ARID3A: variants seen among roughly 807,000 people sequenced by gnomAD.
ARID3A encodes the protein AT-rich interactive domain-containing protein 3A.
A neutral mutation model predicts 52.7 loss-of-function variants in ARID3A; 11 were observed. That is an observed-to-expected ratio of 0.21 (90% CI 0.13 to 0.35). The LOEUF (loss-of-function observed/expected upper bound fraction) is 0.35, where lower values mean the gene tolerates loss of function less well. Ranked by LOEUF, ARID3A falls within the 10% of genes least tolerant of loss-of-function variation. The probability of loss-of-function intolerance (pLI) is 1.00; values close to 1 mark genes in which losing one functional copy is unlikely to be tolerated. For missense variants in ARID3A, 721 were observed against 838.5 expected (o/e 0.86, Z 1.73); for synonymous variants, 404 against 359.4 (o/e 1.12, Z -1.40).
At chr19:949,327 G>T (rs977117643) in intron 3 of ARID3A, among the ~76,000 whole-genome samples, 3 of 152,060 alleles carry the variant, frequency 2.0e-5, no homozygotes, top group African/African-American at 7.2e-5. Flanking sequence ...AGCCGCAGGT[G>T]CTGAGTCATC....
At chr19:932,288 C>T (rs1160244811) in intron 2 of ARID3A, 130 bp from the exon 3 acceptor site, 1 of 1,509,820 alleles carries the variant, frequency 6.6e-7, no homozygotes, top group African/African-American at 1.4e-5. Flanking sequence ...TCTCTGCAGT[C>T]TGAGCTGGCG....
rs1264973902 is a variant in ARID3A, at chr19:974,478, C to T, written c.*2413C>T. On this transcript the variant is annotated 3_prime_UTR_variant, in exon 9 of 9. Transcript: ENST00000263620. ...GGGCTCCTCTCCCGGGACCCCCGTC[C>T]CACGCCTGGGCCCCGCGCCGGGGGA... The T allele has an allele frequency of 8.7e-6, 2 of 231,110 alleles. No individual in the cohort carries two copies. Among genetic ancestry groups the T allele is most frequent in the African/African-American group, 2.2e-5 (1 of 45,160 alleles). 14.3% of individuals were successfully genotyped at this position (231,110 alleles called of 1,614,324 possible). A position where few individuals can be genotyped will look rare whatever the true frequency, so the allele number is the denominator to read the frequency against.
Position 942,893 on chromosome 19 carries a change from A to G in ARID3A, c.693+10151A>G, listed in dbSNP as rs1164258597. Among the ~76,000 whole-genome samples the G allele has an allele frequency of 6.6e-6, 1 of 152,074 alleles. No individual in the cohort carries two copies. The highest frequency in any genetic ancestry group is 2.4e-5 in the African/African-American group (1 of 41,406). On this transcript the variant is annotated intron_variant, in intron 3 of 8. Coordinates refer to ENST00000263620, the MANE Select transcript of ARID3A (RefSeq NM_005224.3). This position sits in a 1 kb window ranked among gnomAD's most constrained non-coding sequence, Gnocchi z 8.1. ...ACTCACGTCCACCCAGAACCTCAAG[A>G]TGGGACTGCATTTGGAAATAGGGTC...
chr19:932,863 T>A (rs1599383904), intron 3 of ARID3A, 121 bp downstream of exon 3: 1 of 1,480,808 alleles, frequency 6.8e-7, no homozygotes. Flanking sequence ...AGCTGGGGGT[T>A]CCTGCGGTAG....
At chr19:952,549 C>A (rs1335265114) in intron 3 of ARID3A, among the ~76,000 whole-genome samples, 2 of 152,054 alleles carry the variant, frequency 1.3e-5, no homozygotes, top group Non-Finnish European at 2.9e-5. Context: ...GGCCAACCCT[C>A]CTGGAGGCTC....
At position 942,944 on chromosome 19, in the gene ARID3A, T is replaced by A. The variant is rs1360096898; in HGVS notation, c.693+10202T>A. Among the ~76,000 whole-genome samples, 1 of 151,948 alleles carries A rather than the reference T, an allele frequency of 6.6e-6. No homozygotes were observed. Among genetic ancestry groups the A allele is most frequent in the Non-Finnish European group, 1.5e-5 (1 of 67,972 alleles). ...TCTGAAGATGTTAGTTTCAGTGAGGTCCTGCAGCGTACGGTGGCCCCAAAT... is the reference window on the plus strand; with the variant it reads ...TCTGAAGATGTTAGTTTCAGTGAGGACCTGCAGCGTACGGTGGCCCCAAAT... On this transcript the variant is annotated intron_variant, in intron 3 of 8. Coordinates refer to ENST00000263620, the MANE Select transcript of ARID3A (RefSeq NM_005224.3). This position sits in a 1 kb window ranked among gnomAD's most constrained non-coding sequence, Gnocchi z 8.1.
At chr19:953,732 G>A (rs2037854431) in intron 3 of ARID3A, among the ~76,000 whole-genome samples, 1 of 152,142 alleles carries the variant, frequency 6.6e-6, no homozygotes. Flanking sequence ...CAGGCAGAAG[G>A]AACAGCGCCG....
intron 2 of ARID3A, among the ~76,000 whole-genome samples, chr19:931,469 A>C (rs1435959551): frequency 2.0e-5 from 3 of 150,786 alleles, no homozygotes; most frequent in African/African-American, 4.9e-5. Flanking sequence ...AAAAAAAAAC[A>C]ACCAAACAAA....
At chr19:936,054 C>T (rs865976733) in intron 3 of ARID3A, among the ~76,000 whole-genome samples, 22 of 150,568 alleles carry the variant, frequency 1.5e-4, no homozygotes, top group South Asian at 4.2e-4. Flanking sequence ...CCTCCCAAAG[C>T]GCTGGGATTA....
Position 929,306 on chromosome 19 carries a change from C to T in ARID3A, c.-223C>T. ...TGAGCCGGATGCCAGCCTCTGTCCC[C>T]TGGAGCCCAGCGTGAGGAAGAGGCA... On this transcript the variant is annotated 5_prime_UTR_variant, in exon 2 of 9. Coordinates refer to ENST00000263620, the MANE Select transcript of ARID3A (RefSeq NM_005224.3). This position sits in a 1 kb window ranked among gnomAD's most constrained non-coding sequence, Gnocchi z 6.2. The T allele has an allele frequency of 2.1e-6, 1 of 470,790 alleles. No individual in the cohort carries two copies. Among genetic ancestry groups the T allele is most frequent in the Non-Finnish European group, 3.1e-6 (1 of 327,136 alleles). The allele number at this position is 470,790 out of a possible 1,614,324, so 29.2% of individuals were successfully genotyped here. A position where few individuals can be genotyped will look rare whatever the true frequency, so the allele number is the denominator to read the frequency against.
At chr19:963,093 G>A (rs577561433) in intron 4 of ARID3A, among the ~76,000 whole-genome samples, 1 of 152,166 alleles carries the variant, frequency 6.6e-6, no homozygotes, top group Admixed American at 6.5e-5. Flanking sequence ...GTCAGACACC[G>A]GGGGTTCCGG....
At chr19:928,733 T>G (rs903153869) in intron 1 of ARID3A, 2 of 152,380 alleles carry the variant, frequency 1.3e-5, no homozygotes, top group Admixed American at 1.3e-4. Context: ...GTTTTGCAGG[T>G]AGGGAACCTG....
rs144256341 is a variant in ARID3A, at chr19:966,785, A to C, written c.1412A>C (p.Gln471Pro). 68 of 1,613,548 alleles carry C rather than the reference A, an allele frequency of 4.2e-5. No homozygotes were observed. The highest frequency in any genetic ancestry group is 2.3e-5 in the Non-Finnish European group (27 of 1,180,014). The stretch of plus-strand genomic sequence containing the variant: ...ATGGCCCTGGTGGCCGATGAGCAGC[A>C]ACGGCTGATGCAACGTGCACTCCAG... The part of the protein sequence containing the change: ...KKMALVADEQ[Q>P]RLMQRALQQN... The change falls in exon 7 of 9, where the codon CAA (glutamine) becomes CCA (proline). Residue 471 changes from glutamine to proline, a missense_variant. By Grantham distance (76) the Gln-to-Pro change is moderately conservative. Transcript: ENST00000263620.
chr19:971,959 G>C lies in ARID3A; in HGVS notation c.1676G>C (p.Ser559Thr), dbSNP rs763578244. Residue 559 changes from serine to threonine, a missense_variant, in exon 9 of 9, where the codon AGC becomes ACC. Physicochemically the swap from Ser to Thr is moderately conservative, Grantham distance 58. Coordinates refer to ENST00000263620, the MANE Select transcript of ARID3A (RefSeq NM_005224.3). ...GGCGGCGGCGGCGGCGGCAGCAGCA[G>C]CAACGCAGGCGGCCGGGGAGGAAAC... ...KGGGGGGGSS[S>T]NAGGRGGNTG... The C allele has an allele frequency of 6.9e-6, 11 of 1,601,392 alleles. No homozygotes were observed. The highest frequency in any genetic ancestry group is 1.7e-5 in the Admixed American group (1 of 57,980).
At chr19:932,864 C>T in intron 3 of ARID3A, 122 bp downstream of exon 3, 2 of 1,478,440 alleles carry the variant, frequency 1.4e-6, no homozygotes, top group South Asian at 1.3e-5. Flanking sequence ...GCTGGGGGTT[C>T]CTGCGGTAGC....
At position 972,401 on chromosome 19, in the gene ARID3A, A is replaced by G; in HGVS notation, c.*336A>G. The G allele has an allele frequency of 4.6e-6, 1 of 218,192 alleles. No individual in the cohort carries two copies. Among genetic ancestry groups the G allele is most frequent in the Admixed American group, 5.8e-5 (1 of 17,238 alleles). The allele number at this position is 218,192 out of a possible 1,614,324, so 13.5% of individuals were successfully genotyped here. A position where few individuals can be genotyped will look rare whatever the true frequency, so the allele number is the denominator to read the frequency against. ...GAGGCAGACGTTTCCCAGGGCGTTC[A>G]GGCAGCCCTGATGGACCGAAGGCTC... On this transcript the variant is annotated 3_prime_UTR_variant, in exon 9 of 9. Coordinates refer to ENST00000263620, the MANE Select transcript of ARID3A (RefSeq NM_005224.3).
At chr19:970,871 G>A (rs1032774803) in intron 8 of ARID3A, among the ~76,000 whole-genome samples, 6 of 152,124 alleles carry the variant, frequency 3.9e-5, no homozygotes, top group Admixed American at 6.6e-5. Context: ...GCAGGCCCCC[G>A]CCCGGCTGTG....
At chr19:953,787 G>A (rs182483235) in intron 3 of ARID3A, among the ~76,000 whole-genome samples, 2 of 152,080 alleles carry the variant, frequency 1.3e-5, no homozygotes, top group East Asian at 3.9e-4. Context: ...ATAGAAAGAC[G>A]CCAAGGCTGG....
rs750083906 is a variant in ARID3A at position 932,459 on chromosome 19, G to C, written c.410G>C (p.Gly137Ala). The stretch of plus-strand genomic sequence containing the variant: ...GAGGAGGAGATGGAGGAAGACCTCG[G>C]GGAGGATGAGGAGGAGGAGGAGGAG... ...WEEEEMEEDL[G>A]EDEEEEEEDY... The change falls in exon 3 of 9, where the codon GGG (glycine) becomes GCG (alanine). Residue 137 changes from glycine (G) to alanine (A), a missense_variant. Transcript: ENST00000263620. 1.8e-5 allele frequency: 29 copies of C among 1,585,798 alleles called. No homozygotes were observed. The East Asian group carries it at 6.6e-4, about 36-fold the overall frequency.
Sources: gnomAD v4.1 joint callset for allele counts (sites outside exome capture counted in the v4.1 genomes callset) on GRCh38, gnomAD v4.1.1 for gene constraint, Gnocchi (gnomAD v3.1) non-coding constraint, MANE v1.5 for transcripts, NCBI Gene and HGNC (gene_info 2026-07-23, HGNC 2026-07-21) for gene names.